Variants in FRMD5 observed in about 807,000 individuals in gnomAD.
The protein encoded by FRMD5 is FERM domain containing 5.
In FRMD5, 20 loss-of-function variants were observed where a neutral mutation model predicts 69.0. That is an observed-to-expected ratio of 0.29 (90% CI 0.20 to 0.42). The LOEUF (loss-of-function observed/expected upper bound fraction) is 0.42, where lower values mean the gene tolerates loss of function less well. Ranked by LOEUF, FRMD5 falls within the 10% of genes least tolerant of loss-of-function variation. The pLI, the probability that FRMD5 is intolerant of heterozygous loss-of-function variation, is 1.00. For missense variants in FRMD5, 595 were observed against 708.6 expected, an observed-to-expected ratio of 0.84 and a Z score of 1.82; for synonymous variants, 271 against 260.1, an observed-to-expected ratio of 1.04 and a Z score of -0.40.
chr15:43,961,916 G>C (rs1475414888), intron 1 of FRMD5, among the ~76,000 whole-genome samples: 1 of 152,070 alleles, frequency 6.6e-6, no homozygotes, highest in Non-Finnish European at 1.5e-5. Context: ...AAAATAATAA[G>C]AGCTATCTAT....
intron 13 of FRMD5, among the ~76,000 whole-genome samples, chr15:43,877,915 C>T (rs1418989083): frequency 6.6e-6 from 1 of 152,236 alleles, no homozygotes; most frequent in Non-Finnish European, 1.5e-5. Flanking sequence ...ATGTTGTCAA[C>T]AGGTTCCTGG....
upstream of FRMD5, among the ~76,000 whole-genome samples, chr15:44,195,466 T>C (rs1031517778): frequency 2.0e-5 from 3 of 152,214 alleles, no homozygotes; most frequent in Non-Finnish European, 4.4e-5. Context: ...AGCAGCCCTC[T>C]AGCGTCCCAA....
intron 1 of FRMD5, among the ~76,000 whole-genome samples, chr15:44,133,778 T>C (rs1254131442): frequency 6.6e-6 from 1 of 151,966 alleles, no homozygotes; most frequent in Non-Finnish European, 1.5e-5. Context: ...CTATATAAAA[T>C]TCAAGTATTT....
intron 1 of FRMD5, among the ~76,000 whole-genome samples, chr15:44,148,948 T>C (rs1470426377): frequency 6.6e-6 from 1 of 152,186 alleles, no homozygotes; most frequent in Non-Finnish European, 1.5e-5. Context: ...GTTTTCTCCA[T>C]GATTTGAGAG....
chr15:43,873,819 T>A lies in FRMD5; in HGVS notation c.*66A>T, dbSNP rs889157780. On this transcript the variant is annotated 3_prime_UTR_variant, in exon 14 of 14. Coordinates refer to ENST00000417257, the MANE Select transcript of FRMD5 (RefSeq NM_032892.5). ...GCCGATGGTTCCGCGATGGGTCCCA[T>A]TGCTGGGAATGGGTAGCCGGGTTCC... is the stretch of plus-strand genomic sequence containing the variant. The A allele has an allele frequency of 1.9e-6, 3 of 1,587,228 alleles. No homozygotes were observed. Among genetic ancestry groups the A allele is most frequent in the Non-Finnish European group, 2.6e-6 (3 of 1,166,152 alleles).
At chr15:43,904,029 G>A (rs1210655637) in intron 6 of FRMD5, among the ~76,000 whole-genome samples, 1 of 152,236 alleles carries the variant, frequency 6.6e-6, no homozygotes, top group African/African-American at 2.4e-5. Flanking sequence ...AAGGCACACC[G>A]AGGGAGAGGG....
intron 1 of FRMD5, among the ~76,000 whole-genome samples, chr15:44,100,576 TA>T (rs1399774938): frequency 6.6e-6 from 1 of 152,138 alleles, no homozygotes; most frequent in East Asian, 1.9e-4. Context: ...TCCTCTGAAC[TA>T]AAAACCACTT....
chr15:44,123,755 T>A (rs529048215), intron 1 of FRMD5, among the ~76,000 whole-genome samples: 1 of 152,076 alleles, frequency 6.6e-6, no homozygotes, highest in Non-Finnish European at 1.5e-5. Context: ...AGATAAATTT[T>A]GAAAAAGAAA....
intron 1 of FRMD5, among the ~76,000 whole-genome samples, chr15:44,183,586 T>C (rs1046032713): frequency 3.9e-5 from 6 of 152,274 alleles, no homozygotes; most frequent in African/African-American, 7.2e-5. Flanking sequence ...CTATGACTCA[T>C]TGATTGTTGA....
At chr15:44,192,474 G>A (rs999606927) in intron 1 of FRMD5, among the ~76,000 whole-genome samples, 1 of 152,118 alleles carries the variant, frequency 6.6e-6, no homozygotes, top group Non-Finnish European at 1.5e-5. Flanking sequence ...AATATACAGT[G>A]CTACAATGCC....
At chr15:43,965,742 CAGCT>C (rs1454828282) in intron 1 of FRMD5, among the ~76,000 whole-genome samples, 1 of 151,930 alleles carries the variant, frequency 6.6e-6, no homozygotes, top group African/African-American at 2.4e-5. Context: ...CCACCACACC[CAGCT>C]AATTTTGTAC....
At chr15:43,961,664 T>C (rs1201129050) in intron 1 of FRMD5, among the ~76,000 whole-genome samples, 1 of 152,208 alleles carries the variant, frequency 6.6e-6, no homozygotes, top group Non-Finnish European at 1.5e-5. Flanking sequence ...AGTAAAATAC[T>C]GGCAAACCGA....
At chr15:44,119,157 A>C (rs1171392780) in intron 1 of FRMD5, among the ~76,000 whole-genome samples, 1 of 151,992 alleles carries the variant, frequency 6.6e-6, no homozygotes, top group Non-Finnish European at 1.5e-5. Flanking sequence ...GGGTCTTACC[A>C]TGCTGCCCAA....
intron 6 of FRMD5, among the ~76,000 whole-genome samples, chr15:43,905,135 C>T (rs962068329): frequency 7.3e-6 from 1 of 137,270 alleles, no homozygotes; most frequent in African/African-American, 2.8e-5. Flanking sequence ...TCAACCTCTC[C>T]TTTTTTTTTT....
intron 4 of FRMD5, among the ~76,000 whole-genome samples, chr15:43,916,782 T>G (rs1298465987): frequency 1.3e-5 from 2 of 150,586 alleles, no homozygotes; most frequent in African/African-American, 4.9e-5. Context: ...AAATTGTATT[T>G]TTTTTTTTTT....
intron 2 of FRMD5, among the ~76,000 whole-genome samples, chr15:43,921,298 A>C (rs572254278): frequency 6.6e-6 from 1 of 152,242 alleles, no homozygotes; most frequent in Non-Finnish European, 1.5e-5. Flanking sequence ...CAACACCCCC[A>C]GACATTAGAC....
intron 4 of FRMD5, among the ~76,000 whole-genome samples, chr15:43,916,779 A>ATTTT (rs10673261): frequency 7.2e-6 from 1 of 139,688 alleles, no homozygotes; most frequent in African/African-American, 2.6e-5. Context: ...ACAAAATTGT[A>ATTTT]TTTTTTTTTT....
rs995742554 is a variant in FRMD5, at chr15:43,888,660, C to A, written c.792+149G>T. The A allele has an allele frequency of 5.9e-6, 4 of 677,040 alleles. No individual in the cohort carries two copies. In the African/African-American group the frequency reaches 7.2e-5, roughly 12 times the overall value. The allele number at this position is 677,040 out of a possible 1,614,324, so 41.9% of individuals were successfully genotyped here. A position where few individuals can be genotyped will look rare whatever the true frequency, so the allele number is the denominator to read the frequency against. ...CCTGTGCTCCAGGGCCTTCCCGCTC[C>A]TTCATATTGTACCTCCAGGTCCTGA... On this transcript the variant is annotated intron_variant, in intron 9 of 13. Coordinates refer to ENST00000417257, the MANE Select transcript of FRMD5 (RefSeq NM_032892.5).
chr15:43,924,306 C>T lies in FRMD5; in HGVS notation c.106G>A (p.Asp36Asn). The T allele has an allele frequency of 6.2e-7, 1 of 1,612,494 alleles. No homozygotes were observed. Among genetic ancestry groups the T allele is most frequent in the South Asian group, 1.1e-5 (1 of 90,958 alleles). Residue 36 changes from aspartate to asparagine, a missense_variant, in exon 2 of 14, where the codon GAT becomes AAT. Asp to Asn is a conservative substitution (Grantham distance 23). Transcript: ENST00000417257. Reference protein sequence around the residue: ...DSEYTCTIQRDAKGQYLFDLL... With the variant: ...DSEYTCTIQRNAKGQYLFDLL... ...TCAAACAGGTACTGGCCTTTGGCAT[C>T]TCTCTGCAAAGAAAGAAAACTCCAT...
Sources: gnomAD v4.1 joint callset for allele counts (sites outside exome capture counted in the v4.1 genomes callset) on GRCh38, gnomAD v4.1.1 for gene constraint, MANE v1.5 for transcripts, NCBI Gene and HGNC (gene_info 2026-07-23, HGNC 2026-07-21) for gene names.